The following PLLP variants were observed in gnomAD, a reference collection of about 807,000 sequenced individuals.
The protein encoded by PLLP is plasmolipin, also known as plasma membrane proteolipid (plasmolipin).
A neutral mutation model predicts 19.7 loss-of-function variants in PLLP; 15 were observed. The observed-to-expected ratio is 0.76, with a 90% CI of 0.51 to 1.17. The LOEUF is 1.17. Among genes scored for constraint, PLLP ranks in the 50% most tolerant of loss-of-function variants. PLLP has a pLI of 0.00. For synonymous variants in PLLP, 111 were observed against 116.3 expected (o/e 0.95, Z 0.29); for missense variants, 255 against 258.3 (o/e 0.99, Z 0.09).
At chr16:57,279,714 C>T (rs1257275625) in intron 1 of PLLP, among the ~76,000 whole-genome samples, 1 of 152,012 alleles carries the variant, frequency 6.6e-6, no homozygotes, top group Non-Finnish European at 1.5e-5. Flanking sequence ...ACTCTGTCAC[C>T]CAGGCTAGAG....
In PLLP at chr16:57,256,859, G is replaced by T; in HGVS notation, c.*54C>A. ...AGCTTCAGGCTTGCAGGGTGACCCT[G>T]CTCTGTGACCCAGCGGCGGCTTCAG... On this transcript the variant is annotated 3_prime_UTR_variant, in exon 4 of 4. Transcript: ENST00000219207. 8.1e-7 allele frequency: 1 copy of T among 1,231,298 alleles called. No homozygotes were observed. Among genetic ancestry groups the T allele is most frequent in the East Asian group, 2.3e-5 (1 of 43,226 alleles). The allele number at this position is 1,231,298 out of a possible 1,614,324, so 76.3% of individuals were successfully genotyped here. A position where few individuals can be genotyped will look rare whatever the true frequency, so the allele number is the denominator to read the frequency against.
chr16:57,273,797 T>C (rs2146447358), intron 1 of PLLP, among the ~76,000 whole-genome samples: 1 of 152,250 alleles, frequency 6.6e-6, no homozygotes, highest in African/African-American at 2.4e-5. Flanking sequence ...CTGGGAGACT[T>C]TATCCCAGTA....
intron 1 of PLLP, among the ~76,000 whole-genome samples, chr16:57,279,208 T>C (rs1205148417): frequency 6.6e-6 from 1 of 152,012 alleles, no homozygotes; most frequent in East Asian, 1.9e-4. Flanking sequence ...CTCAGGGAAA[T>C]TTGGGAACTC....
chr16:57,259,976 A>T (rs1180643942), intron 2 of PLLP, among the ~76,000 whole-genome samples: 1 of 131,082 alleles, frequency 7.6e-6, no homozygotes, highest in Non-Finnish European at 1.6e-5. Flanking sequence ...GACTTTGTCT[A>T]AAAAAAAAAA....
rs2075432878 is a variant in PLLP, at chr16:57,258,542, C to T, written c.352G>A (p.Ala118Thr). Residue 118 changes from alanine (A) to threonine (T), a missense_variant, in exon 3 of 4, where the codon GCC (alanine) becomes ACC (threonine). Coordinates refer to ENST00000219207, the MANE Select transcript of PLLP (RefSeq NM_015993.3). ...NISATVLYITAFIACSAAVDL... is the reference protein window; with the variant it reads ...NISATVLYITTFIACSAAVDL... ...ACTGCCGCAGAGCAGGCGATGAAGG[C>T]GGTGATGTAGAGAACGGTGGCGCTG... The T allele has an allele frequency of 7.4e-6, 12 of 1,613,120 alleles. No homozygotes were observed. Among genetic ancestry groups the T allele is most frequent in the Non-Finnish European group, 1.0e-5 (12 of 1,179,830 alleles).
At chr16:57,277,977 T>C (rs914634492) in intron 1 of PLLP, among the ~76,000 whole-genome samples, 1 of 152,152 alleles carries the variant, frequency 6.6e-6, no homozygotes, top group Non-Finnish European at 1.5e-5. Flanking sequence ...AACAGCTAAA[T>C]GAGCAGAGGC....
chr16:57,282,338 G>A (rs1230533147), intron 1 of PLLP, among the ~76,000 whole-genome samples: 1 of 151,624 alleles, frequency 6.6e-6, no homozygotes, highest in Non-Finnish European at 1.5e-5. Flanking sequence ...AAACTCCCAG[G>A]CACAAGGGGT....
rs144763744 is a variant in PLLP at position 57,269,020 on chromosome 16, C to A, written c.136-6950G>T. Among the ~76,000 whole-genome samples, 724 of 152,298 alleles carry A rather than the reference C, an allele frequency of 4.8e-3. 5 individuals are homozygous for A. The highest frequency in any genetic ancestry group is 8.0e-3 in the Non-Finnish European group (545 of 68,020). Reference sequence around the variant, plus strand: ...AGCCCCACCCACCTGACAGATAAGGCGGTGGTGCTCCCACAGGAGGCCCCA... The same window carrying A: ...AGCCCCACCCACCTGACAGATAAGGAGGTGGTGCTCCCACAGGAGGCCCCA... On this transcript the variant is annotated intron_variant, in intron 1 of 3. Transcript: ENST00000219207.
chr16:57,268,094 A>T (rs2075463351), intron 1 of PLLP, among the ~76,000 whole-genome samples: 1 of 152,102 alleles, frequency 6.6e-6, no homozygotes, highest in Non-Finnish European at 1.5e-5. Context: ...AGGCACACCA[A>T]GGCTTGCTGG....
At chr16:57,273,941 C>T (rs1239200413) in intron 1 of PLLP, among the ~76,000 whole-genome samples, 1 of 152,224 alleles carries the variant, frequency 6.6e-6, no homozygotes, top group African/African-American at 2.4e-5. Context: ...GGCCTGAGGA[C>T]ATTCAAGTGC....
In PLLP at chr16:57,284,588, C is replaced by G. The variant is rs1456080060; in HGVS notation, c.-48G>C. 7.6e-7 allele frequency: 1 copy of G among 1,310,938 alleles called. No homozygotes were observed. Among genetic ancestry groups the G allele is most frequent in the Non-Finnish European group, 9.8e-7 (1 of 1,024,600 alleles). The allele number at this position is 1,310,938 out of a possible 1,614,324, so 81.2% of individuals were successfully genotyped here. ...GGTCGCTACGGCCGCCGTCGCCGCC[C>G]CTCCAGCGGTGGGTGCCGGCTCCCG... On this transcript the variant is annotated 5_prime_UTR_variant, in exon 1 of 4. Coordinates refer to ENST00000219207, the MANE Select transcript of PLLP (RefSeq NM_015993.3).
chr16:57,269,052 C>G (rs1255886563), intron 1 of PLLP, among the ~76,000 whole-genome samples: 2 of 152,330 alleles, frequency 1.3e-5, no homozygotes, highest in East Asian at 3.9e-4. Context: ...CCCAGAAATC[C>G]AGCCCAGCCC....
chr16:57,260,016 G>A (rs1231443271), intron 2 of PLLP, among the ~76,000 whole-genome samples: 3 of 150,606 alleles, frequency 2.0e-5, no homozygotes, highest in East Asian at 3.9e-4. Flanking sequence ...AAAAGATTTC[G>A]CTCCAAAGGG....
chr16:57,279,465 G>C (rs1901191857), intron 1 of PLLP, among the ~76,000 whole-genome samples: 1 of 151,592 alleles, frequency 6.6e-6, no homozygotes, highest in Non-Finnish European at 1.5e-5. Context: ...TGGAGCCCAG[G>C]AGTTCGAGAC....
intron 1 of PLLP, among the ~76,000 whole-genome samples, chr16:57,275,944 T>C (rs1248573666): frequency 6.6e-6 from 1 of 152,140 alleles, no homozygotes; most frequent in Non-Finnish European, 1.5e-5. Flanking sequence ...AGTGAGACCA[T>C]GTCTCTACCA....
chr16:57,261,835 C>T (rs1055272871), intron 2 of PLLP, 62 bp downstream of exon 2: 2 of 1,501,948 alleles, frequency 1.3e-6, no homozygotes, highest in Non-Finnish European at 1.9e-6. Flanking sequence ...CCTGCCACTT[C>T]TTCTAGGGAA....
intron 1 of PLLP, among the ~76,000 whole-genome samples, chr16:57,273,928 C>A (rs898192771): frequency 6.6e-6 from 1 of 152,248 alleles, no homozygotes; most frequent in Admixed American, 6.5e-5. Flanking sequence ...CTTTCTCTCT[C>A]TGGGCCTGAG....
intron 1 of PLLP, among the ~76,000 whole-genome samples, chr16:57,283,750 C>A (rs1377402160): frequency 6.6e-6 from 1 of 152,190 alleles, no homozygotes; most frequent in Non-Finnish European, 1.5e-5. Context: ...ATCTCGGTCC[C>A]GTGGGGCTGG....
At chr16:57,259,785 T>C (rs1237740098) in intron 2 of PLLP, among the ~76,000 whole-genome samples, 3 of 152,108 alleles carry the variant, frequency 2.0e-5, no homozygotes, top group African/African-American at 7.2e-5. Flanking sequence ...GAGACCAGCC[T>C]GGCCAACATG....
Sources: allele counts gnomAD v4.1 joint callset (sites outside exome capture counted in the v4.1 genomes callset), GRCh38; gene constraint gnomAD v4.1.1; transcripts MANE v1.5; gene names NCBI Gene and HGNC (gene_info 2026-07-23, HGNC 2026-07-21).